Variants in KMT5B observed in about 807,000 individuals in gnomAD.
KMT5B encodes lysine methyltransferase 5B.
A neutral mutation model predicts 83.2 loss-of-function variants in KMT5B; 10 were observed. That is an observed-to-expected ratio of 0.12 (90% CI 0.07 to 0.20). The LOEUF (loss-of-function observed/expected upper bound fraction) is 0.20, where lower values mean the gene tolerates loss of function less well. KMT5B is among the 10% of genes least tolerant of loss of function. KMT5B has a pLI of 1.00. For synonymous variants in KMT5B, 349 were observed against 388.8 expected, an observed-to-expected ratio of 0.90 and a Z score of 1.20; for missense variants, 753 against 1,067.2, an observed-to-expected ratio of 0.71 and a Z score of 4.10.
At chr11:68,182,349 C>T (rs1396326626) in intron 3 of KMT5B, among the ~76,000 whole-genome samples, 1 of 152,210 alleles carries the variant, frequency 6.6e-6, no homozygotes, top group African/African-American at 2.4e-5. Flanking sequence ...TCAGGCCCCA[C>T]CCCAAAGCTA....
intron 1 of KMT5B, among the ~76,000 whole-genome samples, chr11:68,207,951 G>A (rs1860370275): frequency 6.6e-6 from 1 of 150,616 alleles, no homozygotes. Flanking sequence ...GGAATTCTCT[G>A]TCTCAGCCTC....
chr11:68,198,449 AGACAAGAC>A (rs1858994766), intron 1 of KMT5B, among the ~76,000 whole-genome samples: 1 of 71,210 alleles, frequency 1.4e-5, no homozygotes, highest in Non-Finnish European at 2.6e-5. Context: ...AGACAAGACA[AGACAAGAC>A]AAGACAAGAC....
In KMT5B at chr11:68,200,195, T is replaced by G. The variant is rs892678146; in HGVS notation, c.-76-10043A>C. Among the ~76,000 whole-genome samples the G allele has an allele frequency of 3.3e-5, 5 of 152,110 alleles. No individual in the cohort carries two copies. In the South Asian group the frequency reaches 1.0e-3, roughly 32 times the overall value. On this transcript the variant is annotated intron_variant, in intron 1 of 10. Coordinates refer to ENST00000304363, the MANE Select transcript of KMT5B (RefSeq NM_017635.5). Reference sequence around the variant, plus strand: ...GAATCAGATGAAATCTAGGACTCAGTGCAGATCAATGAAGTCCAAGGACTG... The same window carrying G: ...GAATCAGATGAAATCTAGGACTCAGGGCAGATCAATGAAGTCCAAGGACTG...
intron 1 of KMT5B, among the ~76,000 whole-genome samples, chr11:68,212,114 G>A (rs1349322960): frequency 3.9e-5 from 6 of 152,078 alleles, no homozygotes; most frequent in East Asian, 1.9e-4. Flanking sequence ...TATTATAGGC[G>A]TGTTCTCAAT....
intron 3 of KMT5B, among the ~76,000 whole-genome samples, chr11:68,185,526 G>T (rs941200206): frequency 6.6e-6 from 1 of 152,188 alleles, no homozygotes; most frequent in Admixed American, 6.5e-5. Context: ...TTTTAAAATA[G>T]AACATGAGGA....
At chr11:68,168,337 AT>A (rs879352613) in intron 9 of KMT5B, among the ~76,000 whole-genome samples, 296 of 138,770 alleles carry the variant, frequency 2.1e-3, no homozygotes, top group East Asian at 2.9e-3. Context: ...TGTTATTAGA[AT>A]TTTTTTTTTT....
intron 1 of KMT5B, among the ~76,000 whole-genome samples, chr11:68,208,671 G>A (rs1860490083): frequency 6.6e-6 from 1 of 151,992 alleles, no homozygotes; most frequent in Admixed American, 6.6e-5. Flanking sequence ...GATGATCAGG[G>A]AAATATAAAT....
intron 10 of KMT5B, among the ~76,000 whole-genome samples, chr11:68,161,513 CTA>C (rs1034322984): frequency 6.6e-6 from 1 of 152,108 alleles, no homozygotes; most frequent in Non-Finnish European, 1.5e-5. Context: ...ACACTCACAT[CTA>C]TGTCATATTC....
chr11:68,178,108 C>T (rs1218083939), intron 4 of KMT5B, among the ~76,000 whole-genome samples: 1 of 152,202 alleles, frequency 6.6e-6, no homozygotes, highest in Non-Finnish European at 1.5e-5. Flanking sequence ...TAAGCAAATG[C>T]AATAAATTAT....
intron 3 of KMT5B, among the ~76,000 whole-genome samples, chr11:68,181,951 T>C (rs2153063516): frequency 1.3e-5 from 2 of 152,366 alleles, no homozygotes; most frequent in East Asian, 3.9e-4. Flanking sequence ...CAGGCTGCTC[T>C]AACCAGGGCA....
chr11:68,165,452 T>C (rs1855229834), intron 10 of KMT5B, among the ~76,000 whole-genome samples: 1 of 151,484 alleles, frequency 6.6e-6, no homozygotes, highest in Admixed American at 6.6e-5. Flanking sequence ...TGCAGTGAGC[T>C]GAGAGTGTGC....
At position 68,213,184 on chromosome 11, in the gene KMT5B, T is replaced by A. The variant is rs2153097418; in HGVS notation, c.-123A>T. 1 of 115,866 alleles carries A rather than the reference T, an allele frequency of 8.6e-6. No homozygotes were observed. The highest frequency in any genetic ancestry group is 2.8e-4 in the East Asian group (1 of 3,548). 7.2% of individuals were successfully genotyped at this position (115,866 alleles called of 1,614,324 possible). A position where few individuals can be genotyped will look rare whatever the true frequency, so the allele number is the denominator to read the frequency against. On this transcript the variant is annotated 5_prime_UTR_variant, in exon 1 of 11. Transcript: ENST00000304363. ...CCTCGGGGCGCGTCCCAGGCCCCGCTGCCCGGCCGCTGCGATGCGGGGCCG... is the reference window on the plus strand; with the variant it reads ...CCTCGGGGCGCGTCCCAGGCCCCGCAGCCCGGCCGCTGCGATGCGGGGCCG...
At chr11:68,210,248 G>T (rs1002622229) in intron 1 of KMT5B, among the ~76,000 whole-genome samples, 4 of 150,914 alleles carry the variant, frequency 2.7e-5, no homozygotes, top group Admixed American at 2.6e-4. Flanking sequence ...TCAAGCTTTG[G>T]GGGGGGGGAC....
chr11:68,170,397 A>T (rs181942529), intron 9 of KMT5B, among the ~76,000 whole-genome samples: 1 of 151,206 alleles, frequency 6.6e-6, no homozygotes, highest in East Asian at 1.9e-4. Flanking sequence ...CTTTGAGGGG[A>T]CTCTTCCTGC....
intron 4 of KMT5B, among the ~76,000 whole-genome samples, chr11:68,177,030 T>C (rs549315173): frequency 1.1e-4 from 16 of 152,314 alleles, no homozygotes; most frequent in African/African-American, 3.8e-4. Context: ...TATGTATTCA[T>C]AGTATTTCAG....
intron 1 of KMT5B, among the ~76,000 whole-genome samples, chr11:68,206,301 A>G (rs933936085): frequency 5.3e-5 from 8 of 152,036 alleles, no homozygotes; most frequent in African/African-American, 1.9e-4. Context: ...ACGGTTCTAG[A>G]AACAGATGCC....
At chr11:68,184,456 A>C (rs185190755) in intron 3 of KMT5B, among the ~76,000 whole-genome samples, 1 of 152,336 alleles carries the variant, frequency 6.6e-6, no homozygotes, top group African/African-American at 2.4e-5. Context: ...ACTGTAATTG[A>C]TAAGTGAGGC....
chr11:68,203,756 G>A (rs1416183844), intron 1 of KMT5B, among the ~76,000 whole-genome samples: 2 of 152,144 alleles, frequency 1.3e-5, no homozygotes, highest in African/African-American at 4.8e-5. Flanking sequence ...TCAACGGGGT[G>A]TTAGTATTAT....
intron 10 of KMT5B, among the ~76,000 whole-genome samples, chr11:68,160,871 T>C (rs1405929611): frequency 6.6e-6 from 1 of 152,136 alleles, no homozygotes; most frequent in Non-Finnish European, 1.5e-5. Flanking sequence ...CACTTGAACC[T>C]GGGAGGCAGA....
Sources: gnomAD v4.1 joint callset for allele counts (sites outside exome capture counted in the v4.1 genomes callset) on GRCh38, gnomAD v4.1.1 for gene constraint, MANE v1.5 for transcripts, NCBI Gene and HGNC (gene_info 2026-07-23, HGNC 2026-07-21) for gene names.